The following BBS9 variants were observed in gnomAD, a reference collection of about 807,000 sequenced individuals.
BBS9 encodes protein PTHB1.
Under a neutral mutation model 117.7 loss-of-function variants are expected in BBS9, and 89 were observed. The ratio of observed to expected loss-of-function variants is 0.76; its 90% confidence interval spans 0.64 to 0.90. The LOEUF (loss-of-function observed/expected upper bound fraction) is 0.90. BBS9 is among the 40% of genes least tolerant of loss of function. The probability of loss-of-function intolerance (pLI) is 0.00; values close to 1 mark genes in which losing one functional copy is unlikely to be tolerated. For missense variants in BBS9, 982 were observed against 1,042.2 expected (o/e 0.94, Z 0.80); for synonymous variants, 379 against 370.9 (o/e 1.02, Z -0.25).
intron 5 of BBS9, among the ~76,000 whole-genome samples, chr7:33,225,189 G>A (rs1791004180): frequency 6.6e-6 from 1 of 151,972 alleles, no homozygotes; most frequent in African/African-American, 2.4e-5. Flanking sequence ...TGATATTATT[G>A]TTATTATTTG....
At chr7:33,297,643 T>C (rs1268254641) in intron 9 of BBS9, among the ~76,000 whole-genome samples, 1 of 152,124 alleles carries the variant, frequency 6.6e-6, no homozygotes, top group African/African-American at 2.4e-5. Context: ...CAACAAAAGA[T>C]GTATCTCACA....
intron 21 of BBS9, among the ~76,000 whole-genome samples, chr7:33,596,391 C>CTATATATA (rs58924113): frequency 9.2e-4 from 138 of 150,526 alleles, no homozygotes; most frequent in African/African-American, 1.6e-3. Context: ...ATCTATCTAT[C>CTATATATA]TATATATAAT....
At chr7:33,558,360 A>T (rs575453988) in intron 21 of BBS9, among the ~76,000 whole-genome samples, 2 of 152,202 alleles carry the variant, frequency 1.3e-5, no homozygotes, top group East Asian at 3.9e-4. Context: ...GGGGCACGTG[A>T]GGTGAGGATG....
chr7:33,554,696 G>T (rs542205575), intron 21 of BBS9, among the ~76,000 whole-genome samples: 68 of 152,256 alleles, frequency 4.5e-4, no homozygotes, highest in African/African-American at 1.6e-3. Flanking sequence ...CAAGTGCTCC[G>T]GAGCTCAGGG....
chr7:33,495,166 A>G (rs1165670251), intron 19 of BBS9, among the ~76,000 whole-genome samples: 1 of 152,220 alleles, frequency 6.6e-6, no homozygotes, highest in South Asian at 2.1e-4. Flanking sequence ...TTCACCTCTT[A>G]AACTCTGGAA....
chr7:33,299,474 A>G (rs1291622242), intron 9 of BBS9, among the ~76,000 whole-genome samples: 5 of 151,398 alleles, frequency 3.3e-5, no homozygotes, highest in African/African-American at 4.8e-5. Flanking sequence ...CTGTTTTTCC[A>G]GTAATGTTGA....
chr7:33,565,062 T>C (rs1856640901), intron 21 of BBS9, among the ~76,000 whole-genome samples: 1 of 152,328 alleles, frequency 6.6e-6, no homozygotes, highest in Non-Finnish European at 1.5e-5. Context: ...TTTGCTTTGG[T>C]GTCATTTCTA....
intron 19 of BBS9, among the ~76,000 whole-genome samples, chr7:33,443,313 A>T (rs1404658415): frequency 6.6e-6 from 1 of 152,168 alleles, no homozygotes; most frequent in Non-Finnish European, 1.5e-5. Context: ...CATAAAGAGA[A>T]ATCTGGAAAA....
intron 17 of BBS9, chr7:33,380,268 C>A: frequency 5.8e-6 from 1 of 172,912 alleles, no homozygotes; most frequent in South Asian, 1.7e-4. Context: ...CTACAAGCTC[C>A]ACCTGCACCT....
intron 1 of BBS9, among the ~76,000 whole-genome samples, chr7:33,135,498 G>T (rs1440945503): frequency 6.6e-6 from 1 of 152,098 alleles, no homozygotes. Context: ...TAGATGTATG[G>T]GTTTATTTCT....
chr7:33,487,457 C>T (rs1843274065), intron 19 of BBS9, among the ~76,000 whole-genome samples: 1 of 152,102 alleles, frequency 6.6e-6, no homozygotes, highest in Admixed American at 6.5e-5. Flanking sequence ...AAATTGGCCC[C>T]TAAAAAACTA....
chr7:33,521,296 T>C (rs1392213933), intron 20 of BBS9, among the ~76,000 whole-genome samples: 1 of 152,228 alleles, frequency 6.6e-6, no homozygotes, highest in African/African-American at 2.4e-5. Flanking sequence ...AGCTTTCTGC[T>C]TGCACTGCAG....
intron 21 of BBS9, among the ~76,000 whole-genome samples, chr7:33,537,472 A>G (rs748539861): frequency 6.6e-6 from 1 of 152,186 alleles, no homozygotes; most frequent in Non-Finnish European, 1.5e-5. Context: ...AGAGCTATCA[A>G]ATTTATTTCT....
rs1457301348 is a variant in BBS9, at chr7:33,303,373, C to T, written c.1016+29417C>T. Among the ~76,000 whole-genome samples, 3 of 152,102 alleles carry T rather than the reference C, an allele frequency of 2.0e-5. No homozygotes were observed. In the East Asian group the frequency reaches 5.8e-4, roughly 29 times the overall value. ...AGAGAAAAGTCAATTTTTCCCTATT[C>T]AGTATGAAACTAGCTATGGGTCTGT... is the stretch of plus-strand genomic sequence containing the variant. On this transcript the variant is annotated intron_variant, in intron 9 of 22. Transcript: ENST00000242067.
intron 4 of BBS9, among the ~76,000 whole-genome samples, chr7:33,156,715 C>T (rs147946589): frequency 1.1e-4 from 16 of 152,306 alleles, no homozygotes; most frequent in African/African-American, 2.9e-4. Context: ...AGGCAATTGA[C>T]AGTGGCTTTC....
intron 18 of BBS9, 56 bp downstream of exon 18, chr7:33,383,894 T>C: frequency 3.2e-6 from 5 of 1,544,314 alleles, no homozygotes; most frequent in Non-Finnish European, 4.4e-6. Context: ...GAAAGAGAAA[T>C]AGATGCTATA....
intron 5 of BBS9, among the ~76,000 whole-genome samples, chr7:33,222,727 C>G (rs1790483231): frequency 6.6e-6 from 1 of 151,884 alleles, no homozygotes; most frequent in Admixed American, 6.6e-5. Context: ...GTGGGTGGAT[C>G]ACTTTAGGCC....
At position 33,340,833 on chromosome 7, in the gene BBS9, A is replaced by G. The variant is rs538960051; in HGVS notation, c.1199-64A>G. On this transcript the variant is annotated intron_variant, in intron 10 of 22. Coordinates refer to ENST00000242067, the MANE Select transcript of BBS9 (RefSeq NM_198428.3). Reference sequence around the variant, plus strand: ...ATATGTGGTATAGACAAACCTTTAAAGAAAAACTATATATAGAAAGTTTTA... The same window carrying G: ...ATATGTGGTATAGACAAACCTTTAAGGAAAAACTATATATAGAAAGTTTTA... 838 of 1,445,666 alleles carry G rather than the reference A, an allele frequency of 5.8e-4. 1 individual carries two copies. Among genetic ancestry groups the G allele is most frequent in the Non-Finnish European group, 7.6e-4 (798 of 1,050,824 alleles). 89.6% of individuals were successfully genotyped at this position (1,445,666 alleles called of 1,614,324 possible). A position where few individuals can be genotyped will look rare whatever the true frequency, so the allele number is the denominator to read the frequency against.
chr7:33,496,296 G>A (rs1833139), intron 19 of BBS9, among the ~76,000 whole-genome samples: 14,628 of 152,112 alleles, frequency 0.096, 999 homozygotes, highest in Non-Finnish European at 0.15. Context: ...ATGAGGTCAG[G>A]AGTTCGAAAC....
Sources: gnomAD v4.1 joint callset for allele counts (sites outside exome capture counted in the v4.1 genomes callset) on GRCh38, gnomAD v4.1.1 for gene constraint, MANE v1.5 for transcripts, NCBI Gene and HGNC (gene_info 2026-07-23, HGNC 2026-07-21) for gene names.